CNTNAP2: variants seen among roughly 807,000 people sequenced by gnomAD.
The protein encoded by CNTNAP2 is contactin associated protein 2.
CNTNAP2 carries 98 observed loss-of-function variants against 155.2 expected under a neutral mutation model. The ratio of observed to expected loss-of-function variants is 0.63; its 90% CI spans 0.54 to 0.75. CNTNAP2 has a LOEUF of 0.75. CNTNAP2 is among the 30% of genes least tolerant of loss of function. CNTNAP2 has a pLI of 0.00. For missense variants in CNTNAP2, 1,727 were observed against 1,688.1 expected, an observed-to-expected ratio of 1.02 and a Z score of -0.40; for synonymous variants, 651 against 631.2, an observed-to-expected ratio of 1.03 and a Z score of -0.47.
intron 3 of CNTNAP2, among the ~76,000 whole-genome samples, chr7:146,890,685 G>T (rs946700650): frequency 6.6e-6 from 1 of 152,056 alleles, no homozygotes; most frequent in Non-Finnish European, 1.5e-5. Context: ...ATGTATCTTG[G>T]TATTTACATC....
At chr7:146,250,724 A>G (rs998012408) in intron 1 of CNTNAP2, among the ~76,000 whole-genome samples, 1 of 152,196 alleles carries the variant, frequency 6.6e-6, no homozygotes, top group African/African-American at 2.4e-5. Context: ...GAAAGTGTGG[A>G]TGAGGTTATG....
At chr7:147,284,536 T>A (rs916123120) in intron 8 of CNTNAP2, among the ~76,000 whole-genome samples, 3 of 151,934 alleles carry the variant, frequency 2.0e-5, no homozygotes, top group East Asian at 1.9e-4. Context: ...TCAATATTTT[T>A]AAAATTTATG....
intron 1 of CNTNAP2, among the ~76,000 whole-genome samples, chr7:146,465,013 G>A (rs1332964004): frequency 6.6e-6 from 1 of 151,916 alleles, no homozygotes; most frequent in African/African-American, 2.4e-5. Context: ...TGCTTTAATT[G>A]GCCTGCTTTT....
intron 10 of CNTNAP2, among the ~76,000 whole-genome samples, chr7:147,412,509 C>T (rs1797122089): frequency 6.6e-6 from 1 of 152,202 alleles, no homozygotes; most frequent in Admixed American, 6.5e-5. Context: ...ACTGTAATTA[C>T]ATCTTTTCTT....
chr7:146,379,556 T>C (rs1395536035), intron 1 of CNTNAP2, among the ~76,000 whole-genome samples: 2 of 152,216 alleles, frequency 1.3e-5, no homozygotes, highest in African/African-American at 4.8e-5. Flanking sequence ...TTGAGGAATT[T>C]GGCAATAGGT....
intron 1 of CNTNAP2, among the ~76,000 whole-genome samples, chr7:146,380,095 G>A (rs1207130729): frequency 6.6e-6 from 1 of 152,122 alleles, no homozygotes. Context: ...TTATGAGAAT[G>A]CTGACTTCTT....
intron 13 of CNTNAP2, among the ~76,000 whole-genome samples, chr7:147,878,765 G>C (rs561957588): frequency 6.6e-6 from 1 of 152,166 alleles, no homozygotes; most frequent in Non-Finnish European, 1.5e-5. Context: ...TTCAACATGA[G>C]ATAGTTTTCT....
intron 3 of CNTNAP2, among the ~76,000 whole-genome samples, chr7:146,912,004 A>T (rs1261600994): frequency 6.6e-6 from 1 of 152,088 alleles, no homozygotes; most frequent in Non-Finnish European, 1.5e-5. Flanking sequence ...ATCATTATTA[A>T]ATGAAATAAA....
In CNTNAP2 at chr7:147,303,015, C is replaced by G. The variant is rs74641600; in HGVS notation, c.1498+2725C>G. On this transcript the variant is annotated intron_variant, in intron 9 of 23. Transcript: ENST00000361727. The stretch of plus-strand genomic sequence containing the variant: ...CTGAATGGTGGGATTCAGCTACACC[C>G]AGAGCTGGTGCCAGGTGACAGAAAG... Among the ~76,000 whole-genome samples, 434 of 152,314 alleles carry G rather than the reference C, an allele frequency of 2.8e-3. 1 individual carries two copies. The highest frequency in any genetic ancestry group is 5.6e-3 in the South Asian group (27 of 4,830).
chr7:146,160,531 T>A (rs1424096843), intron 1 of CNTNAP2, among the ~76,000 whole-genome samples: 1 of 152,124 alleles, frequency 6.6e-6, no homozygotes, highest in Admixed American at 6.5e-5. Flanking sequence ...ATATCATTGA[T>A]CTCACAGAAA....
intron 11 of CNTNAP2, among the ~76,000 whole-genome samples, chr7:147,488,453 G>A (rs1798548655): frequency 6.6e-6 from 1 of 152,150 alleles, no homozygotes; most frequent in Non-Finnish European, 1.5e-5. Context: ...GGTTTGAACT[G>A]TGTAAGTAAC....
intron 1 of CNTNAP2, among the ~76,000 whole-genome samples, chr7:146,614,887 ATATTC>A (rs1166233146): frequency 6.6e-6 from 1 of 152,180 alleles, no homozygotes; most frequent in African/African-American, 2.4e-5. Flanking sequence ...TTTATTTTAA[ATATTC>A]TATTCAGTTA....
At chr7:146,608,255 T>C (rs890001283) in intron 1 of CNTNAP2, among the ~76,000 whole-genome samples, 1 of 152,200 alleles carries the variant, frequency 6.6e-6, no homozygotes, top group Admixed American at 6.5e-5. Context: ...TTTCCAGGTT[T>C]AAAACTCTTT....
chr7:148,415,343 T>C, intron 23 of CNTNAP2, 74 bp from the exon 24 acceptor site: 1 of 1,474,508 alleles, frequency 6.8e-7, no homozygotes, highest in Non-Finnish European at 9.4e-7. Context: ...GACGGAGCTG[T>C]AGTGAAGTGG....
At position 148,415,742 on chromosome 7, in the gene CNTNAP2, G is replaced by GCTTCATACTCTTGA; in HGVS notation, c.*126_*127insCTTCATACTCTTGA. 9.5e-7 allele frequency: 1 copy of GCTTCATACTCTTGA among 1,050,650 alleles called. No individual in the cohort carries two copies. Among genetic ancestry groups the GCTTCATACTCTTGA allele is most frequent in the Non-Finnish European group, 1.4e-6 (1 of 698,068 alleles). 65.1% of individuals were successfully genotyped at this position (1,050,650 alleles called of 1,614,324 possible). On this transcript the variant is annotated 3_prime_UTR_variant, in exon 24 of 24. Transcript: ENST00000361727. ...ATATCAGCACAAGTTGGGGGAGGCA[G>GCTTCATACTCTTGA]GCAATGGAATATAATGGAATATTCT... is the stretch of plus-strand genomic sequence containing the variant.
At chr7:147,394,458 T>C (rs1458036468) in intron 9 of CNTNAP2, among the ~76,000 whole-genome samples, 1 of 151,966 alleles carries the variant, frequency 6.6e-6, no homozygotes, top group African/African-American at 2.4e-5. Context: ...TTGTTACAGA[T>C]ATAATATTAG....
intron 21 of CNTNAP2, among the ~76,000 whole-genome samples, chr7:148,363,289 T>C (rs75667743): frequency 0.024 from 3,656 of 152,346 alleles, 141 homozygotes; most frequent in African/African-American, 0.083. Context: ...GGCCTCAACA[T>C]TCTATTATAA....
intron 1 of CNTNAP2, among the ~76,000 whole-genome samples, chr7:146,143,322 C>T (rs1797907464): frequency 6.6e-6 from 1 of 152,108 alleles, no homozygotes; most frequent in Admixed American, 6.6e-5. Context: ...AGTGAGCAAA[C>T]AGAAATAATG....
At chr7:148,401,164 G>A (rs935519033) in intron 22 of CNTNAP2, among the ~76,000 whole-genome samples, 1 of 152,168 alleles carries the variant, frequency 6.6e-6, no homozygotes, top group Non-Finnish European at 1.5e-5. Flanking sequence ...TCCTGGCAGT[G>A]AGGCTCTCTG....
Sources: gnomAD v4.1 joint callset for allele counts (sites outside exome capture counted in the v4.1 genomes callset) on GRCh38, gnomAD v4.1.1 for gene constraint, MANE v1.5 for transcripts, NCBI Gene and HGNC (gene_info 2026-07-23, HGNC 2026-07-21) for gene names.